Variants in LOX observed in about 807,000 individuals in gnomAD.
LOX encodes protein-lysine 6-oxidase.
A neutral mutation model predicts 50.5 loss-of-function variants in LOX; 12 were observed. That is an observed-to-expected ratio of 0.24 (90% CI 0.15 to 0.38). The LOEUF (loss-of-function observed/expected upper bound fraction) is 0.38. LOX is among the 10% of genes least tolerant of loss of function. The pLI, the probability that LOX is intolerant of heterozygous loss-of-function variation, is 1.00. For synonymous variants in LOX, 254 were observed against 230.6 expected (o/e 1.10, Z -0.92); for missense variants, 504 against 563.8 (o/e 0.89, Z 1.07).
intron 4 of LOX, among the ~76,000 whole-genome samples, chr5:122,073,171 A>G (rs913816148): frequency 6.6e-6 from 1 of 152,340 alleles, no homozygotes; most frequent in Middle Eastern, 3.4e-3. Context: ...AGTTATGTAC[A>G]TTCACTACCC....
chr5:122,069,386 G>A (rs1429840525), intron 6 of LOX, among the ~76,000 whole-genome samples: 1 of 151,940 alleles, frequency 6.6e-6, no homozygotes, highest in Non-Finnish European at 1.5e-5. Context: ...TAAGGAGATG[G>A]GGCAGGACAG....
chr5:122,073,670 C>T (rs1020671016), intron 4 of LOX, among the ~76,000 whole-genome samples: 1 of 152,122 alleles, frequency 6.6e-6, no homozygotes, highest in Non-Finnish European at 1.5e-5. Flanking sequence ...TGGACTGTAA[C>T]AAGGACCCAC....
In LOX at chr5:122,070,196, T is replaced by C. The variant is rs751215245; in HGVS notation, c.1132-28A>G. The C allele has an allele frequency of 3.2e-6, 4 of 1,260,410 alleles. No individual in the cohort carries two copies. The Admixed American group carries it at 5.1e-5, about 16-fold the overall frequency. 78.1% of individuals were successfully genotyped at this position (1,260,410 alleles called of 1,614,324 possible). On this transcript the variant is annotated intron_variant, in intron 5 of 6. Transcript: ENST00000231004. ...GGGCAACACAAAGAGTTCCTCAGTA[T>C]TTCTTTTTCCATAGGGCTACAATAA...
chr5:122,077,742 C>T lies in LOX; in HGVS notation c.244G>A (p.Ala82Thr), dbSNP rs373294433. ...GGAGTGCGGGGCTGCTGGGCGGAGG[C>T]GTTGGCTGCACCAGGGACGGCGGCG... ...PGAAVPGAAN[A>T]SAQQPRTPIL... Residue 82 changes from alanine (A) to threonine (T), a missense_variant, in exon 1 of 7, where the codon GCC becomes ACC. This residue lies in a region of LOX where 398 missense variants were observed against 365.8 expected (regional missense o/e 1.09). Coordinates refer to ENST00000231004, the MANE Select transcript of LOX (RefSeq NM_002317.7). The surrounding 1 kb of genome is among the most constrained non-coding windows in gnomAD (Gnocchi z 4.9). 10 of 1,568,780 alleles carry T rather than the reference C, an allele frequency of 6.4e-6. No individual in the cohort carries two copies. Among genetic ancestry groups the T allele is most frequent in the Admixed American group, 1.9e-5 (1 of 54,016 alleles).
Position 122,070,069 on chromosome 5 carries a change from C to T in LOX, c.1231G>A (p.Gly411Ser). The T allele has an allele frequency of 6.2e-7, 1 of 1,611,346 alleles. No homozygotes were observed. The highest frequency in any genetic ancestry group is 8.5e-7 in the Non-Finnish European group (1 of 1,177,768). The change falls in exon 6 of 7, where the codon GGC (glycine) becomes AGC (serine). Residue 411 changes from glycine to serine, a missense_variant. By Grantham distance (56) the Gly-to-Ser change is moderately conservative. Coordinates refer to ENST00000231004, the MANE Select transcript of LOX (RefSeq NM_002317.7). ...RYTGHHAYAS[G>S]CTISPY ...AACACTTACGGTGAAATTGTGCAGC[C>T]TGAGGCATACGCATGATGTCCTGTG...
Position 122,070,124 on chromosome 5 carries a change from G to A in LOX, c.1176C>T (p.Thr392=), listed in dbSNP as rs1338346958. 1.2e-6 allele frequency: 2 copies of A among 1,613,026 alleles called. No individual in the cohort carries two copies. Among genetic ancestry groups the A allele is most frequent in the Non-Finnish European group, 1.7e-6 (2 of 1,179,314 alleles). ...PSYLVPESDY[T]NNVVRCDIRY... is the part of the protein sequence containing the mutation. ...GAATGTCACAGCGCACAACATTGTT[G>A]GTATAGTCAGATTCAGGAACCAGGT... The change falls in exon 6 of 7, where the codon ACC becomes ACT. Residue 392 remains threonine (T), a synonymous_variant. Transcript: ENST00000231004.
Position 122,077,567 on chromosome 5 carries a change from GA to G in LOX, c.418del (p.Ser140ArgfsTer97). ...STSRAREAGASRAENQTAPGE... is the reference protein window; with the variant it reads ...STSRAREAGAXRAENQTAPGE... The stretch of plus-strand genomic sequence containing the variant: ...CGGCGCTGTCTGGTTCTCCGCGCGC[GA>G]GGCGCCAGCTTCGCGGGCTCTAGAT... On this transcript the variant is annotated frameshift_variant, in exon 1 of 7. Transcript: ENST00000231004. LOFTEE classifies it high-confidence loss of function. The surrounding 1 kb of genome is among the most constrained non-coding windows in gnomAD (Gnocchi z 4.9). The G allele has an allele frequency of 6.2e-7, 1 of 1,613,016 alleles. No homozygotes were observed. Among genetic ancestry groups the G allele is most frequent in the Non-Finnish European group, 8.5e-7 (1 of 1,179,848 alleles).
At chr5:122,070,761 ACCTCCAGCT>A in intron 4 of LOX, 172 bp from the exon 5 acceptor site, 1 of 465,428 alleles carries the variant, frequency 2.1e-6, no homozygotes, top group Non-Finnish European at 3.8e-6. Flanking sequence ...GCCTTATAGC[ACCTCCAGCT>A]AAAAAAGATA....
At position 122,077,824 on chromosome 5, in the gene LOX, C is replaced by T; in HGVS notation, c.162G>A (p.Val54=). The T allele has an allele frequency of 1.3e-6, 2 of 1,552,164 alleles. No homozygotes were observed. The highest frequency in any genetic ancestry group is 1.7e-6 in the Non-Finnish European group (2 of 1,154,042). ...QQIQWENNGQ[V]FSLLSLGSQY... The stretch of plus-strand genomic sequence containing the variant: ...GTGAGCCCAGGCTCAGCAAGCTGAA[C>T]ACCTGCCCGTTGTTCTCCCATTGGA... Residue 54 remains valine, a synonymous_variant, in exon 1 of 7, where the codon GTG becomes GTA. Transcript: ENST00000231004. This position sits in a 1 kb window ranked among gnomAD's most constrained non-coding sequence, Gnocchi z 4.9.
intron 6 of LOX, among the ~76,000 whole-genome samples, chr5:122,069,144 C>T (rs2152586505): frequency 6.6e-6 from 1 of 152,180 alleles, no homozygotes; most frequent in East Asian, 1.9e-4. Context: ...GTAGAAAGTC[C>T]TGGGTTTTTG....
Position 122,070,064 on chromosome 5 carries a change from G to A in LOX, c.1236C>T (p.Cys412=). 6.2e-7 allele frequency: 1 copy of A among 1,608,936 alleles called. No individual in the cohort carries two copies. Among genetic ancestry groups the A allele is most frequent in the Non-Finnish European group, 8.5e-7 (1 of 1,175,570 alleles). Residue 412 remains cysteine (C), a synonymous_variant, in exon 6 of 7, where the codon TGC becomes TGT. Transcript: ENST00000231004. Reference sequence around the variant, plus strand: ...CAAATAACACTTACGGTGAAATTGTGCAGCCTGAGGCATACGCATGATGTC... The same window carrying A: ...CAAATAACACTTACGGTGAAATTGTACAGCCTGAGGCATACGCATGATGTC... ...YTGHHAYASG[C]TISPY is the part of the protein sequence containing the mutation.
chr5:122,077,222 C>A lies in LOX; in HGVS notation c.631+133G>T, dbSNP rs1489647878. On this transcript the variant is annotated intron_variant, in intron 1 of 6. Transcript: ENST00000231004. The surrounding 1 kb of genome is among the most constrained non-coding windows in gnomAD (Gnocchi z 4.9). ...CGGTTTGCACTGGATTCCAGGGCTG[C>A]CACTGCAGGCGCGTGGGGGAGGGAT... is the stretch of plus-strand genomic sequence containing the variant. The A allele has an allele frequency of 6.7e-7, 1 of 1,493,948 alleles. No homozygotes were observed. The highest frequency in any genetic ancestry group is 8.9e-7 in the Non-Finnish European group (1 of 1,124,316). The allele number at this position is 1,493,948 out of a possible 1,614,324, so 92.5% of individuals were successfully genotyped here.
chr5:122,076,911 T>C lies in LOX; in HGVS notation c.722A>G (p.Glu241Gly). 6.2e-7 allele frequency: 1 copy of C among 1,614,032 alleles called. No individual in the cohort carries two copies. The highest frequency in any genetic ancestry group is 1.7e-5 in the Admixed American group (1 of 60,014). Reference protein sequence around the residue: ...MSMYNLRCAAEENCLASTAYR... With the variant: ...MSMYNLRCAAGENCLASTAYR... ...CCCGTACCTGGCCAGACAGTTTTCC[T>C]CCGCCGCGCATCTCAGGTTGTACAT... The change falls in exon 2 of 7, where the codon GAG (glutamate) becomes GGG (glycine). Residue 241 changes from glutamate (E) to glycine (G), a missense_variant. By Grantham distance (98) the Glu-to-Gly change is moderately conservative (BLOSUM62 -2). Coordinates refer to ENST00000231004, the MANE Select transcript of LOX (RefSeq NM_002317.7).
At chr5:122,075,114 T>C (rs1433831369) in intron 3 of LOX, among the ~76,000 whole-genome samples, 2 of 152,230 alleles carry the variant, frequency 1.3e-5, no homozygotes, top group South Asian at 2.1e-4. Flanking sequence ...TTGGCTGTAA[T>C]GGACTTTTAA....
rs759346597 is a variant in LOX at position 122,077,934 on chromosome 5, G to A, written c.52C>T (p.Leu18=). ...LLLGPLQLCA[L]VHCAPPAAGQ... Reference sequence around the variant, plus strand: ...GCGGCGGGAGGGGCGCAGTGCACTAGCGCGCAGAGCTGCAAAGGCCCGAGC... The same window carrying A: ...GCGGCGGGAGGGGCGCAGTGCACTAACGCGCAGAGCTGCAAAGGCCCGAGC... The change falls in exon 1 of 7, where the codon CTA becomes TTA. Residue 18 remains leucine (L), a synonymous_variant. Coordinates refer to ENST00000231004, the MANE Select transcript of LOX (RefSeq NM_002317.7). This position sits in a 1 kb window ranked among gnomAD's most constrained non-coding sequence, Gnocchi z 4.9. 1.3e-6 allele frequency: 2 copies of A among 1,501,020 alleles called. No individual in the cohort carries two copies. The highest frequency in any genetic ancestry group is 5.0e-5 in the East Asian group (2 of 39,660). The allele number at this position is 1,501,020 out of a possible 1,614,324, so 93.0% of individuals were successfully genotyped here. A position where few individuals can be genotyped will look rare whatever the true frequency, so the allele number is the denominator to read the frequency against.
chr5:122,073,453 A>G (rs1164913079), intron 4 of LOX, among the ~76,000 whole-genome samples: 1 of 152,220 alleles, frequency 6.6e-6, no homozygotes, highest in Non-Finnish European at 1.5e-5. Flanking sequence ...AAGTGCTTTT[A>G]AAGAAACTTA....
At chr5:122,072,638 G>T (rs1754482986) in intron 4 of LOX, among the ~76,000 whole-genome samples, 1 of 152,064 alleles carries the variant, frequency 6.6e-6, no homozygotes, top group Admixed American at 6.5e-5. Context: ...TCCTTTAAAT[G>T]AAGTCCATGT....
In LOX at chr5:122,078,068, G is replaced by A. The variant is rs1320728726; in HGVS notation, c.-83C>T. On this transcript the variant is annotated 5_prime_UTR_variant, in exon 1 of 7. Transcript: ENST00000231004. ...ACGGGGCTCAAATCACGTGAGGGAA[G>A]GAGAAATCTTCAACCAAGGAGGCGA... 3.1e-6 allele frequency: 4 copies of A among 1,309,144 alleles called. No homozygotes were observed. Among genetic ancestry groups the A allele is most frequent in the Non-Finnish European group, 4.0e-6 (4 of 1,003,844 alleles). 81.1% of individuals were successfully genotyped at this position (1,309,144 alleles called of 1,614,324 possible).
chr5:122,078,009 C>T lies in LOX; in HGVS notation c.-24G>A. On this transcript the variant is annotated 5_prime_UTR_variant, in exon 1 of 7. Coordinates refer to ENST00000231004, the MANE Select transcript of LOX (RefSeq NM_002317.7). The stretch of plus-strand genomic sequence containing the variant: ...ATCACTCCTTTTGCCAGATTGACCC[C>T]GCTCGAGGAGGACGTGGCTCACAGA... 7.0e-7 allele frequency: 1 copy of T among 1,438,480 alleles called. No homozygotes were observed. Among genetic ancestry groups the T allele is most frequent in the Non-Finnish European group, 9.1e-7 (1 of 1,097,568 alleles). The allele number at this position is 1,438,480 out of a possible 1,614,324, so 89.1% of individuals were successfully genotyped here.
Sources: gnomAD v4.1 joint callset for allele counts (sites outside exome capture counted in the v4.1 genomes callset) on GRCh38, gnomAD v4.1.1 for gene constraint, gnomAD v4.1.1 regional missense constraint, Gnocchi (gnomAD v3.1) non-coding constraint, MANE v1.5 for transcripts, NCBI Gene and HGNC (gene_info 2026-07-23, HGNC 2026-07-21) for gene names.